SMARCD2: variants seen among roughly 807,000 people sequenced by gnomAD.
The protein encoded by SMARCD2 is SWI/SNF related BAF chromatin remodeling complex subunit D2, also known as SWI/SNF-related matrix-associated actin-dependent regulator of chromatin subfamily D member 2.
Under a neutral mutation model 70.4 loss-of-function variants are expected in SMARCD2, and 39 were observed. That is an observed-to-expected ratio of 0.55 (90% CI 0.43 to 0.72). SMARCD2 has a LOEUF of 0.72. SMARCD2 is among the 30% of genes least tolerant of loss of function. The probability of loss-of-function intolerance (pLI) is 0.00; values close to 1 mark genes in which losing one functional copy is unlikely to be tolerated. For synonymous variants in SMARCD2, 249 were observed against 279.4 expected, an observed-to-expected ratio of 0.89 and a Z score of 1.08; for missense variants, 540 against 713.4, an observed-to-expected ratio of 0.76 and a Z score of 2.77.
chr17:63,835,268 G>A (rs778672365), intron 5 of SMARCD2, 144 bp downstream of exon 5: 18 of 742,530 alleles, frequency 2.4e-5, no homozygotes, highest in Non-Finnish European at 3.7e-5. Flanking sequence ...GACTACAGGT[G>A]CATGCCACCG....
chr17:63,834,025 G>A lies in SMARCD2; in HGVS notation c.1084-19C>T, dbSNP rs749146190. 3 of 1,607,434 alleles carry A rather than the reference G, an allele frequency of 1.9e-6. No individual in the cohort carries two copies. Among genetic ancestry groups the A allele is most frequent in the South Asian group, 2.2e-5 (2 of 90,974 alleles). On this transcript the variant is annotated intron_variant, in intron 8 of 12. Coordinates refer to ENST00000448276, the MANE Select transcript of SMARCD2 (RefSeq NM_001098426.2). This position sits in a 1 kb window ranked among gnomAD's most constrained non-coding sequence, Gnocchi z 5.6. ...TGAAGATCTGGAGGAAATACGAAAG[G>A]CTCAGCGTTGGCTTGTGGGCACAGT...
Position 63,832,624 on chromosome 17 carries a change from G to A in SMARCD2, c.*314C>T. 2.3e-6 allele frequency: 1 copy of A among 443,590 alleles called. No homozygotes were observed. Among genetic ancestry groups the A allele is most frequent in the Non-Finnish European group, 4.2e-6 (1 of 239,436 alleles). 27.5% of individuals were successfully genotyped at this position (443,590 alleles called of 1,614,324 possible). A position where few individuals can be genotyped will look rare whatever the true frequency, so the allele number is the denominator to read the frequency against. On this transcript the variant is annotated 3_prime_UTR_variant, in exon 13 of 13. Transcript: ENST00000448276. ...CGCCCCAGGGGGAGTCTGTAAACATGCAAACCCAGCAGCCTTTGGTTCGGA... is the reference window on the plus strand; with the variant it reads ...CGCCCCAGGGGGAGTCTGTAAACATACAAACCCAGCAGCCTTTGGTTCGGA...
chr17:63,836,832 C>G, intron 4 of SMARCD2, 90 bp downstream of exon 4: 1 of 1,364,420 alleles, frequency 7.3e-7, no homozygotes, highest in Non-Finnish European at 1.0e-6. Context: ...AAAAACCCGG[C>G]TCTAGCCCAA....
Position 63,833,196 on chromosome 17 carries a change from TA to T in SMARCD2, c.1441-27del, listed in dbSNP as rs755042657. On this transcript the variant is annotated intron_variant, in intron 11 of 12. Transcript: ENST00000448276. The surrounding 1 kb of genome is among the most constrained non-coding windows in gnomAD (Gnocchi z 4.3). ...CTGCAAAGAGCCAGGAGGAAAGCCA[TA>T]GCATAATCCCCACCCCTGGGCTAAT... The T allele has an allele frequency of 1.9e-6, 3 of 1,609,206 alleles. No homozygotes were observed.
Position 63,837,683 on chromosome 17 carries a change from A to G in SMARCD2, c.217-58T>C. ...TCAGGGGCAAGGCCCTCCGGGACCC[A>G]TAGCCCATGCCCTCCATCCCTCTCG... On this transcript the variant is annotated intron_variant, in intron 1 of 12. Transcript: ENST00000448276. This position sits in a 1 kb window ranked among gnomAD's most constrained non-coding sequence, Gnocchi z 6.4. 5.6e-6 allele frequency: 8 copies of G among 1,423,612 alleles called. No homozygotes were observed. Among genetic ancestry groups the G allele is most frequent in the East Asian group, 2.4e-5 (1 of 42,098 alleles). 88.2% of individuals were successfully genotyped at this position (1,423,612 alleles called of 1,614,324 possible). A position where few individuals can be genotyped will look rare whatever the true frequency, so the allele number is the denominator to read the frequency against.
chr17:63,842,242 C>A (rs997433047), intron 1 of SMARCD2: 72 of 809,082 alleles, frequency 8.9e-5, no homozygotes, highest in Non-Finnish European at 1.1e-4. Context: ...GCCCCCAGGC[C>A]TCCCAGCTGC....
Position 63,833,056 on chromosome 17 carries a change from G to A in SMARCD2, c.1542+13C>T, listed in dbSNP as rs757486334. ...CTCACGGCCAAAGGAGGGAAAACAG[G>A]GCAGAGCCTCACCTTGGCAAAGATG... is the stretch of plus-strand genomic sequence containing the variant. On this transcript the variant is annotated intron_variant, in intron 12 of 12. Transcript: ENST00000448276. The surrounding 1 kb of genome is among the most constrained non-coding windows in gnomAD (Gnocchi z 4.3). 2 of 1,589,728 alleles carry A rather than the reference G, an allele frequency of 1.3e-6. No individual in the cohort carries two copies. The highest frequency in any genetic ancestry group is 3.6e-5 in the Admixed American group (2 of 56,302).
chr17:63,837,714 C>A lies in SMARCD2; in HGVS notation c.217-89G>T. The A allele has an allele frequency of 8.2e-6, 9 of 1,094,126 alleles. No individual in the cohort carries two copies. Among genetic ancestry groups the A allele is most frequent in the Non-Finnish European group, 1.2e-5 (9 of 758,614 alleles). 67.8% of individuals were successfully genotyped at this position (1,094,126 alleles called of 1,614,324 possible). On this transcript the variant is annotated intron_variant, in intron 1 of 12. Coordinates refer to ENST00000448276, the MANE Select transcript of SMARCD2 (RefSeq NM_001098426.2). The surrounding 1 kb of genome is among the most constrained non-coding windows in gnomAD (Gnocchi z 6.4). ...CATGCCCTCCATCCCTCTCGTCAGC[C>A]AGGTAGGGCCTGAGCAGCACACCAG...
Position 63,832,876 on chromosome 17 carries a change from C to G in SMARCD2, c.*62G>C. ...CCAGCCTACGTGTCTGCGGCCCCAG[C>G]AAGGACCCAGAGGGTGGTCTCCCTC... On this transcript the variant is annotated 3_prime_UTR_variant, in exon 13 of 13. Coordinates refer to ENST00000448276, the MANE Select transcript of SMARCD2 (RefSeq NM_001098426.2). 6.8e-7 allele frequency: 1 copy of G among 1,461,292 alleles called. No homozygotes were observed. The highest frequency in any genetic ancestry group is 9.4e-7 in the Non-Finnish European group (1 of 1,066,342). 90.5% of individuals were successfully genotyped at this position (1,461,292 alleles called of 1,614,324 possible). A position where few individuals can be genotyped will look rare whatever the true frequency, so the allele number is the denominator to read the frequency against.
chr17:63,835,078 C>CAA (rs2040248190), intron 5 of SMARCD2: 2 of 536,836 alleles, frequency 3.7e-6, no homozygotes, highest in Non-Finnish European at 6.6e-6. Context: ...GGAGCAGCGC[C>CAA]CCCCTCCCTA....
In SMARCD2 at chr17:63,842,578, C is replaced by A; in HGVS notation, c.97G>T (p.Gly33Ter). The A allele has an allele frequency of 8.3e-7, 1 of 1,207,264 alleles. No individual in the cohort carries two copies. The highest frequency in any genetic ancestry group is 1.0e-6 in the Non-Finnish European group (1 of 972,434). 74.8% of individuals were successfully genotyped at this position (1,207,264 alleles called of 1,614,324 possible). A position where few individuals can be genotyped will look rare whatever the true frequency, so the allele number is the denominator to read the frequency against. ...GCCGGTCCGGGCAGCATGCCGGGTC[C>A]CGCGGGGGGAGGCGGCGCTCCCAGG... ...AALGAPPPPA[G>*]PGMLPGPALR... is the part of the protein sequence containing the mutation. Residue 33 changes from glycine to a stop codon, truncating the protein, a stop_gained, in exon 1 of 13, where the codon GGA becomes TGA. Transcript: ENST00000448276. LOFTEE classifies it high-confidence loss of function.
chr17:63,836,892 A>G (rs958887389), intron 4 of SMARCD2, 30 bp downstream of exon 4: 5 of 1,589,176 alleles, frequency 3.1e-6, no homozygotes, highest in Non-Finnish European at 4.3e-6. Context: ...GAAACCTGGG[A>G]AGGCTAGAGG....
intron 1 of SMARCD2, among the ~76,000 whole-genome samples, chr17:63,841,192 G>A (rs1904447734): frequency 6.6e-6 from 1 of 152,260 alleles, no homozygotes; most frequent in Non-Finnish European, 1.5e-5. Flanking sequence ...GACCAGGTCT[G>A]TCTCTGCCCA....
Position 63,834,593 on chromosome 17 carries a change from A to G in SMARCD2, c.820-18T>C. 9.4e-6 allele frequency: 15 copies of G among 1,589,302 alleles called. No individual in the cohort carries two copies. The highest frequency in any genetic ancestry group is 1.2e-5 in the Non-Finnish European group (14 of 1,161,100). On this transcript the variant is annotated intron_variant, in intron 6 of 12. Coordinates refer to ENST00000448276, the MANE Select transcript of SMARCD2 (RefSeq NM_001098426.2). The surrounding 1 kb of genome is among the most constrained non-coding windows in gnomAD (Gnocchi z 5.6). ...CGGTGCCACTGGCAGGGAGGGAAGC[A>G]TGGCTTATCACCAAGGGGGTGGGCG...
intron 1 of SMARCD2, among the ~76,000 whole-genome samples, chr17:63,842,002 C>T (rs1054998534): frequency 6.6e-5 from 10 of 152,244 alleles, no homozygotes; most frequent in African/African-American, 2.4e-4. Flanking sequence ...CGGGAGCCAT[C>T]TCAGACACGC....
In SMARCD2 at chr17:63,837,120, C is replaced by T; in HGVS notation, c.444+75G>A. 1.9e-6 allele frequency: 3 copies of T among 1,612,610 alleles called. No individual in the cohort carries two copies. The highest frequency in any genetic ancestry group is 2.5e-6 in the Non-Finnish European group (3 of 1,178,862). ...TCTTTCCTCCCTTCCTGCTGCAGCCCAGCTTTGAGAGAGATGGACACCCAC... is the reference window on the plus strand; with the variant it reads ...TCTTTCCTCCCTTCCTGCTGCAGCCTAGCTTTGAGAGAGATGGACACCCAC... On this transcript the variant is annotated intron_variant, in intron 3 of 12. Coordinates refer to ENST00000448276, the MANE Select transcript of SMARCD2 (RefSeq NM_001098426.2). The surrounding 1 kb of genome is among the most constrained non-coding windows in gnomAD (Gnocchi z 6.4).
chr17:63,837,083 C>T lies in SMARCD2; in HGVS notation c.445-39G>A. 6.2e-7 allele frequency: 1 copy of T among 1,612,892 alleles called. No homozygotes were observed. Among genetic ancestry groups the T allele is most frequent in the South Asian group, 1.1e-5 (1 of 91,070 alleles). ...GCAGAAGCTCATCAGCTTGCTTCAGCCAAAGCCTGGCTCTTTCCTCCCTTC... is the reference window on the plus strand; with the variant it reads ...GCAGAAGCTCATCAGCTTGCTTCAGTCAAAGCCTGGCTCTTTCCTCCCTTC... On this transcript the variant is annotated intron_variant, in intron 3 of 12. Transcript: ENST00000448276. This position sits in a 1 kb window ranked among gnomAD's most constrained non-coding sequence, Gnocchi z 6.4.
chr17:63,839,083 G>T (rs773876328), intron 1 of SMARCD2: 278 of 985,286 alleles, frequency 2.8e-4, no homozygotes, highest in Non-Finnish European at 3.3e-4. Context: ...GCATCAGGAA[G>T]AGATTAATCA....
At chr17:63,835,614 G>C (rs776356359) in intron 4 of SMARCD2, 47 bp from the exon 5 acceptor site, 5 of 1,585,556 alleles carry the variant, frequency 3.2e-6, no homozygotes, top group Middle Eastern at 1.7e-4. Context: ...CAAGATGCTG[G>C]GACACAGTGC....
Sources: gnomAD v4.1 joint callset for allele counts (sites outside exome capture counted in the v4.1 genomes callset) on GRCh38, gnomAD v4.1.1 for gene constraint, Gnocchi (gnomAD v3.1) non-coding constraint, MANE v1.5 for transcripts, NCBI Gene and HGNC (gene_info 2026-07-23, HGNC 2026-07-21) for gene names.